RCN3: variants seen among roughly 807,000 people sequenced by gnomAD.
RCN3 encodes reticulocalbin 3, also known as reticulocalbin-3.
In RCN3, 41 loss-of-function variants were observed where a neutral mutation model predicts 35.9. The observed-to-expected ratio is 1.14, with a 90% CI of 0.89 to 1.48. RCN3 has a LOEUF of 1.48. Ranked by LOEUF, RCN3 falls within the 40% of genes most tolerant of loss-of-function variation. RCN3 has a pLI of 0.00. For missense variants in RCN3, 451 were observed against 471.3 expected (o/e 0.96, Z 0.40); for synonymous variants, 187 against 193.4 (o/e 0.97, Z 0.27).
At chr19:49,538,926 T>G (rs970564209) in intron 4 of RCN3, among the ~76,000 whole-genome samples, 193 bp from the exon 5 acceptor site, 8 of 152,158 alleles carry the variant, frequency 5.3e-5, no homozygotes, top group African/African-American at 1.9e-4. Flanking sequence ...AGGTGGTGCC[T>G]GTTTGATGAT....
At chr19:49,534,427 T>G in intron 3 of RCN3, 32 bp downstream of exon 3, 1 of 1,532,646 alleles carries the variant, frequency 6.5e-7, no homozygotes, top group East Asian at 2.5e-5. Flanking sequence ...CTGCTCCCCA[T>G]ACACCGTGAC....
chr19:49,536,185 C>T (rs887791567), intron 3 of RCN3, among the ~76,000 whole-genome samples: 3 of 150,794 alleles, frequency 2.0e-5, no homozygotes, highest in Admixed American at 6.6e-5. Context: ...GGGGTTTCTC[C>T]ATGTTGGTCA....
chr19:49,539,684 C>A (rs2080153975), intron 5 of RCN3, among the ~76,000 whole-genome samples: 1 of 149,940 alleles, frequency 6.7e-6, no homozygotes. Context: ...CCCTAGCGGG[C>A]AAAAAATTTA....
intron 4 of RCN3, 40 bp downstream of exon 4, chr19:49,537,245 C>G (rs76820174): frequency 7.0e-7 from 1 of 1,418,554 alleles, no homozygotes; most frequent in East Asian, 2.7e-5. Flanking sequence ...CACACCCTTC[C>G]GGGGACCCAG....
chr19:49,534,536 C>A, intron 3 of RCN3, 141 bp downstream of exon 3: 1 of 745,476 alleles, frequency 1.3e-6, no homozygotes, highest in Non-Finnish European at 2.0e-6. Context: ...GAGCCCATAA[C>A]TGTGAGATCT....
At chr19:49,538,944 C>G (rs764742897) in intron 4 of RCN3, among the ~76,000 whole-genome samples, 175 bp from the exon 5 acceptor site, 6 of 152,100 alleles carry the variant, frequency 3.9e-5, no homozygotes, top group Non-Finnish European at 7.4e-5. Context: ...GATAACATCC[C>G]AGAAAGCCCG....
chr19:49,540,522 AG>A (rs1415396407), intron 5 of RCN3, among the ~76,000 whole-genome samples: 7 of 151,826 alleles, frequency 4.6e-5, no homozygotes, highest in African/African-American at 1.7e-4. Context: ...CTGGGGACTG[AG>A]GCAAGAGAAT....
chr19:49,535,812 T>G (rs1482097564), intron 3 of RCN3, among the ~76,000 whole-genome samples: 1 of 148,596 alleles, frequency 6.7e-6, no homozygotes, highest in Non-Finnish European at 1.5e-5. Context: ...ATCACATCAC[T>G]GCACTCTGGC....
At chr19:49,533,972 G>A (rs2080121526) in intron 2 of RCN3, among the ~76,000 whole-genome samples, 1 of 152,164 alleles carries the variant, frequency 6.6e-6, no homozygotes, top group Non-Finnish European at 1.5e-5. Context: ...TCGTTCTGGA[G>A]AAGGGCGTGA....
At position 49,535,860 on chromosome 19, in the gene RCN3, A is replaced by AT. The variant is rs750041398; in HGVS notation, c.446-1173_446-1172insT. On this transcript the variant is annotated intron_variant, in intron 3 of 6. Transcript: ENST00000270645. ...GTGAGACTCTGTCTCAAAAAAAAAA[A>AT]AATATATATATATATAGATAGATAG... Among the ~76,000 whole-genome samples the AT allele has an allele frequency of 8.9e-3, 1,232 of 139,056 alleles. 13 individuals are homozygous for AT. Among genetic ancestry groups the AT allele is most frequent in the African/African-American group, 0.026 (934 of 35,786 alleles). 91.2% of individuals were successfully genotyped at this position (139,056 alleles called of 152,430 possible).
At chr19:49,537,302 AG>A in intron 4 of RCN3, 97 bp downstream of exon 4, 1 of 1,215,954 alleles carries the variant, frequency 8.2e-7, no homozygotes, top group South Asian at 1.9e-5. Context: ...GGGGGCAGGC[AG>A]TCACCTGGTT....
chr19:49,539,282 T>A, intron 5 of RCN3, 103 bp downstream of exon 5: 2 of 886,508 alleles, frequency 2.3e-6, no homozygotes, highest in East Asian at 5.1e-5. Context: ...CAGAGAACAG[T>A]GGCCCTCAGA....
chr19:49,528,736 G>A lies in RCN3; in HGVS notation c.242+22G>A, dbSNP rs184850901. The A allele has an allele frequency of 1.8e-3, 2,740 of 1,548,426 alleles. 28 individuals carry two copies. In the Middle Eastern group the frequency reaches 0.02, roughly 11 times the overall value. On this transcript the variant is annotated intron_variant, in intron 2 of 6. Transcript: ENST00000270645. ...TGGGGTAAGAGAGACATTCGGTTGG[G>A]GCGTGTCCAGAGGTGGGGCTTAGGA...
chr19:49,532,964 C>CCG (rs1428436858), intron 2 of RCN3, among the ~76,000 whole-genome samples: 1 of 152,256 alleles, frequency 6.6e-6, no homozygotes, highest in Middle Eastern at 3.2e-3. Flanking sequence ...GCGTGAGCCA[C>CCG]CGCGCCTGTC....
chr19:49,541,338 G>C (rs1332899166), intron 5 of RCN3, among the ~76,000 whole-genome samples: 2 of 152,170 alleles, frequency 1.3e-5, no homozygotes, highest in East Asian at 3.9e-4. Flanking sequence ...TGAGGCCCAG[G>C]GGGGTTGAAG....
In RCN3 at chr19:49,534,179, G is replaced by A. The variant is rs2080122798; in HGVS notation, c.243-14G>A. The A allele has an allele frequency of 1.4e-6, 2 of 1,479,148 alleles. No homozygotes were observed. Among genetic ancestry groups the A allele is most frequent in the Non-Finnish European group, 1.8e-6 (2 of 1,120,696 alleles). The allele number at this position is 1,479,148 out of a possible 1,614,324, so 91.6% of individuals were successfully genotyped here. ...CGGGACCAGAGCCTGACGTGTGCCC[G>A]CCCCGGCTTCTAGGCGGATCGTGGA... On this transcript the variant is annotated splice_polypyrimidine_tract_variant and intron_variant, in intron 2 of 6. Transcript: ENST00000270645.
At chr19:49,533,537 G>T (rs968599556) in intron 2 of RCN3, among the ~76,000 whole-genome samples, 6 of 152,300 alleles carry the variant, frequency 3.9e-5, no homozygotes, top group Admixed American at 6.5e-5. Flanking sequence ...CAGGAGCCCG[G>T]AGGAGCATGG....
At chr19:49,532,522 T>C (rs1191177636) in intron 2 of RCN3, among the ~76,000 whole-genome samples, 1 of 151,232 alleles carries the variant, frequency 6.6e-6, no homozygotes, top group Admixed American at 6.6e-5. Flanking sequence ...ATTACAGGCA[T>C]CCACCACTGT....
chr19:49,536,637 C>T (rs1191049167), intron 3 of RCN3, among the ~76,000 whole-genome samples: 1 of 147,056 alleles, frequency 6.8e-6, no homozygotes, highest in Non-Finnish European at 1.5e-5. Flanking sequence ...GAGACATAGC[C>T]TCCCTCTGTC....
Sources: gnomAD v4.1 joint callset for allele counts (sites outside exome capture counted in the v4.1 genomes callset) on GRCh38, gnomAD v4.1.1 for gene constraint, MANE v1.5 for transcripts, NCBI Gene and HGNC (gene_info 2026-07-23, HGNC 2026-07-21) for gene names.